MAP4K3: variants seen among roughly 807,000 people sequenced by gnomAD.
MAP4K3 encodes MAPK/ERK kinase kinase kinase 3.
MAP4K3 carries 94 observed loss-of-function variants against 143.5 expected under a neutral mutation model. That is an observed-to-expected ratio of 0.65 (90% CI 0.55 to 0.78). MAP4K3 has a LOEUF of 0.78. MAP4K3 is among the 30% of genes least tolerant of loss of function. The probability of loss-of-function intolerance (pLI) is 0.00; values close to 1 mark genes in which losing one functional copy is unlikely to be tolerated. For missense variants in MAP4K3, 1,077 were observed against 1,068.1 expected (o/e 1.01, Z -0.12); for synonymous variants, 416 against 347.2 (o/e 1.20, Z -2.20).
intron 1 of MAP4K3, among the ~76,000 whole-genome samples, chr2:39,416,373 T>C (rs919255058): frequency 6.6e-6 from 1 of 152,144 alleles, no homozygotes; most frequent in African/African-American, 2.4e-5. Flanking sequence ...TAAAACGCCT[T>C]TGCTAACTGC....
intron 28 of MAP4K3, among the ~76,000 whole-genome samples, chr2:39,262,732 A>G (rs2148442580): frequency 6.6e-6 from 1 of 152,320 alleles, no homozygotes; most frequent in East Asian, 1.9e-4. Context: ...TCTCTAGTAA[A>G]TAACACGGTG....
In MAP4K3 at chr2:39,315,384, A is replaced by T; in HGVS notation, c.923T>A (p.Leu308His). ...GTGAATTCTATGTGGTACAGCAACA[A>T]GAGGCTAGAAAAGAACAAAATCAAT... ...HDFDDDDPEP[L>H]VAVPHRIHST... The change falls in exon 13 of 34, where the codon CTT (leucine) becomes CAT (histidine). Residue 308 changes from leucine to histidine, a missense_variant. Physicochemically the swap from Leu to His is moderately conservative, Grantham distance 99. This residue lies in a region of MAP4K3 where 864 missense variants were observed against 801.2 expected (regional missense o/e 1.08). Transcript: ENST00000263881. The T allele has an allele frequency of 6.2e-7, 1 of 1,609,322 alleles. No homozygotes were observed. Among genetic ancestry groups the T allele is most frequent in the African/African-American group, 1.3e-5 (1 of 74,902 alleles).
intron 1 of MAP4K3, among the ~76,000 whole-genome samples, chr2:39,434,331 G>C (rs1212971616): frequency 6.6e-6 from 1 of 152,094 alleles, no homozygotes; most frequent in African/African-American, 2.4e-5. Context: ...CTTGATTATA[G>C]ACAAAAACAT....
At chr2:39,278,284 C>T in intron 24 of MAP4K3, 123 bp downstream of exon 24, 1 of 583,958 alleles carries the variant, frequency 1.7e-6, no homozygotes, top group East Asian at 3.1e-5. Flanking sequence ...AAAAACAAAA[C>T]AAAACAAAAC....
chr2:39,297,660 G>A (rs985184960), intron 16 of MAP4K3, among the ~76,000 whole-genome samples: 1 of 152,104 alleles, frequency 6.6e-6, no homozygotes, highest in South Asian at 2.1e-4. Flanking sequence ...TATGGAGAAA[G>A]CAGGAAATCC....
At chr2:39,293,358 C>T (rs1682134516) in intron 16 of MAP4K3, 90 bp from the exon 17 acceptor site, 1 of 868,160 alleles carries the variant, frequency 1.2e-6, no homozygotes, top group East Asian at 2.8e-5. Context: ...CTTAACCATA[C>T]ATTTTTTGAA....
chr2:39,417,603 G>C (rs1344401767), intron 1 of MAP4K3, among the ~76,000 whole-genome samples: 1 of 152,196 alleles, frequency 6.6e-6, no homozygotes, highest in Non-Finnish European at 1.5e-5. Context: ...TGCTAGATTA[G>C]ATCAAGAGAT....
intron 28 of MAP4K3, among the ~76,000 whole-genome samples, chr2:39,261,376 C>CA (rs966174436): frequency 1.1e-4 from 17 of 151,156 alleles, no homozygotes; most frequent in South Asian, 2.1e-4. Flanking sequence ...TTCTGAAGGA[C>CA]AAAAAAAATA....
At chr2:39,316,158 G>A (rs1023758277) in intron 12 of MAP4K3, among the ~76,000 whole-genome samples, 1 of 151,710 alleles carries the variant, frequency 6.6e-6, no homozygotes, top group Non-Finnish European at 1.5e-5. Flanking sequence ...TTAATTATTT[G>A]CCTTTAATTT....
intron 4 of MAP4K3, 85 bp downstream of exon 4, chr2:39,343,303 G>T: frequency 1.1e-6 from 1 of 898,502 alleles, no homozygotes; most frequent in Non-Finnish European, 1.8e-6. Context: ...CTTTCCTTAA[G>T]ATAATGTTGA....
chr2:39,251,573 C>T (rs1680156828), intron 33 of MAP4K3, among the ~76,000 whole-genome samples: 1 of 152,158 alleles, frequency 6.6e-6, no homozygotes, highest in African/African-American at 2.4e-5. Context: ...TATGGTATTT[C>T]CTCTTTCTTC....
intron 12 of MAP4K3, chr2:39,323,899 AAC>A (rs779780205): frequency 6.6e-6 from 1 of 152,216 alleles, no homozygotes; most frequent in Non-Finnish European, 1.5e-5. Context: ...AACTGACAGT[AAC>A]AGAGTTTATG....
intron 4 of MAP4K3, among the ~76,000 whole-genome samples, chr2:39,339,364 AT>A (rs1182620837): frequency 1.3e-5 from 2 of 152,258 alleles, no homozygotes; most frequent in Non-Finnish European, 1.5e-5. Context: ...AACCCTGAAA[AT>A]AACACTTGGA....
chr2:39,278,464 G>T lies in MAP4K3; in HGVS notation c.1737C>A (p.Ala579=). ...GATTGAGGGTATAAATCCCTTCTTC[G>T]GCACCAAATATCAAGTACTGATCTG... ...DTRDQYLIFG[A]EEGIYTLNLN... The change falls in exon 24 of 34, where the codon GCC becomes GCA. Residue 579 remains alanine, a synonymous_variant. Transcript: ENST00000263881. 6.3e-7 allele frequency: 1 copy of T among 1,595,420 alleles called. No individual in the cohort carries two copies. The highest frequency in any genetic ancestry group is 1.3e-5 in the African/African-American group (1 of 74,312).
chr2:39,422,843 G>A (rs1664913026), intron 1 of MAP4K3, among the ~76,000 whole-genome samples: 1 of 152,008 alleles, frequency 6.6e-6, no homozygotes, highest in African/African-American at 2.4e-5. Flanking sequence ...TAACATACAA[G>A]AAAATCTAAG....
chr2:39,338,516 T>C (rs1665045660), intron 4 of MAP4K3, among the ~76,000 whole-genome samples: 1 of 152,210 alleles, frequency 6.6e-6, no homozygotes, highest in African/African-American at 2.4e-5. Context: ...GGACATTTTA[T>C]AAACTATTTG....
intron 15 of MAP4K3, among the ~76,000 whole-genome samples, chr2:39,304,755 T>A (rs548514263): frequency 6.6e-6 from 1 of 152,294 alleles, no homozygotes; most frequent in South Asian, 2.1e-4. Context: ...TATTTGTATA[T>A]CCATGTTTAT....
At chr2:39,399,392 TTCAA>T (rs1666895907) in intron 1 of MAP4K3, among the ~76,000 whole-genome samples, 1 of 152,184 alleles carries the variant, frequency 6.6e-6, no homozygotes, top group Admixed American at 6.5e-5. Context: ...CGCAGCAGCC[TTCAA>T]TCCAGTCAAA....
At chr2:39,348,833 T>C (rs1407556449) in intron 3 of MAP4K3, among the ~76,000 whole-genome samples, 2 of 152,230 alleles carry the variant, frequency 1.3e-5, no homozygotes, top group African/African-American at 4.8e-5. Context: ...AGCTATTTTA[T>C]GGTTCTGAAA....
Sources: allele counts gnomAD v4.1 joint callset (sites outside exome capture counted in the v4.1 genomes callset), GRCh38; gene constraint gnomAD v4.1.1; regional missense constraint gnomAD v4.1.1; transcripts MANE v1.5; gene names NCBI Gene and HGNC (gene_info 2026-07-23, HGNC 2026-07-21).